The following ZNF83 variants were observed in gnomAD, a reference collection of about 807,000 sequenced individuals.
The protein encoded by ZNF83 is zinc finger protein 816B.
For synonymous variants in ZNF83, 209 were observed against 213.0 expected (o/e 0.98, Z 0.17); for missense variants, 552 against 629.9 (o/e 0.88, Z 1.32).
intron 2 of ZNF83, among the ~76,000 whole-genome samples, chr19:52,616,455 C>G (rs2060307920): frequency 6.6e-6 from 1 of 152,102 alleles, no homozygotes; most frequent in South Asian, 2.1e-4. Context: ...TTTACAATAG[C>G]AAAGACTTAG....
intron 2 of ZNF83, among the ~76,000 whole-genome samples, chr19:52,634,181 A>G (rs984869882): frequency 2.6e-5 from 4 of 151,818 alleles, no homozygotes. Flanking sequence ...CTGAGGTAGG[A>G]GAATCACTTG....
intron 2 of ZNF83, among the ~76,000 whole-genome samples, chr19:52,633,108 G>T (rs2147176063): frequency 6.6e-6 from 1 of 152,266 alleles, no homozygotes; most frequent in South Asian, 2.1e-4. Context: ...TACACATCCA[G>T]ATGGCCTGTT....
exon 3 of ZNF83, chr19:52,613,528 T>C (rs1459591180): frequency 3.1e-6 from 5 of 1,614,146 alleles, no homozygotes; most frequent in Non-Finnish European, 4.2e-6. Context: ...TTCATTACAT[T>C]TGTAAGGTTT....
chr19:52,614,604 C>A (rs1378896529), exon 3 of ZNF83: 3 of 1,528,472 alleles, frequency 2.0e-6, no homozygotes, highest in Non-Finnish European at 2.6e-6. Context: ...AGGTCACACG[C>A]ACTCGCTTAT....
At chr19:52,688,840 C>T (rs985455486) in intron 1 of ZNF83, among the ~76,000 whole-genome samples, 4 of 151,840 alleles carry the variant, frequency 2.6e-5, no homozygotes, top group African/African-American at 9.7e-5. Flanking sequence ...ACAAGTTTTC[C>T]TCTGCCTGTC....
At chr19:52,668,537 TC>T (rs2147302823) in intron 1 of ZNF83, among the ~76,000 whole-genome samples, 1 of 152,228 alleles carries the variant, frequency 6.6e-6, no homozygotes, top group South Asian at 2.1e-4. Flanking sequence ...TGTGCTTTTT[TC>T]TCCCTCCTCC....
chr19:52,687,130 G>A (rs1006607183), intron 1 of ZNF83, among the ~76,000 whole-genome samples: 1 of 148,752 alleles, frequency 6.7e-6, no homozygotes, highest in African/African-American at 2.5e-5. Flanking sequence ...GCACTAAGCT[G>A]AGATTGCAAC....
At chr19:52,672,305 T>C (rs546732668) in intron 1 of ZNF83, among the ~76,000 whole-genome samples, 1 of 152,368 alleles carries the variant, frequency 6.6e-6, no homozygotes, top group South Asian at 2.1e-4. Flanking sequence ...TTTATGACTA[T>C]ATCTGTAAGT....
chr19:52,680,602 AAAT>A (rs150291396), intron 1 of ZNF83, among the ~76,000 whole-genome samples: 17,697 of 134,136 alleles, frequency 0.13, 1,582 homozygotes, highest in East Asian at 0.26. Flanking sequence ...CTTTTCCACA[AAAT>A]ATTTTTTTTT....
intron 3 of ZNF83, chr19:52,652,131 G>A (rs2061449601): frequency 8.7e-6 from 2 of 230,874 alleles, no homozygotes; most frequent in East Asian, 1.5e-4. Flanking sequence ...CTAATGCGGT[G>A]TGAATGTAAA....
chr19:52,666,020 C>T (rs1415115912), intron 1 of ZNF83, among the ~76,000 whole-genome samples: 56 of 151,746 alleles, frequency 3.7e-4, no homozygotes, highest in Admixed American at 3.4e-3. Flanking sequence ...AAAAATTAGC[C>T]GGGCATGGTG....
exon 3 of ZNF83, chr19:52,612,923 T>C: frequency 8.9e-7 from 1 of 1,117,982 alleles, no homozygotes; most frequent in Non-Finnish European, 1.3e-6. Context: ...CTAAAGGCTC[T>C]GCTACATTCA....
At chr19:52,644,809 G>A (rs1169845087) in intron 3 of ZNF83, among the ~76,000 whole-genome samples, 1 of 152,038 alleles carries the variant, frequency 6.6e-6, no homozygotes, top group Non-Finnish European at 1.5e-5. Context: ...AGGAGTTTGA[G>A]ACCAGCCTGG....
At chr19:52,678,093 A>G (rs1338857893) in intron 1 of ZNF83, among the ~76,000 whole-genome samples, 1 of 151,850 alleles carries the variant, frequency 6.6e-6, no homozygotes, top group African/African-American at 2.4e-5. Flanking sequence ...TGTTGCCTAC[A>G]TGTGTGATTG....
chr19:52,676,667 G>A (rs1000100306), intron 1 of ZNF83, among the ~76,000 whole-genome samples: 3 of 140,470 alleles, frequency 2.1e-5, no homozygotes, highest in Non-Finnish European at 4.8e-5. Flanking sequence ...TGACAATGGC[G>A]GCTTTGTGGA....
intron 1 of ZNF83, among the ~76,000 whole-genome samples, chr19:52,682,028 A>G (rs957002644): frequency 1.3e-5 from 2 of 151,934 alleles, no homozygotes; most frequent in African/African-American, 4.8e-5. Flanking sequence ...TTGTATTTTT[A>G]GTAGAGACGA....
In ZNF83 at chr19:52,620,270, C is replaced by CTGTGTGTGTGTGTGTGTGTGTG. The variant is rs377267661; in HGVS notation, c.-233-5495_-233-5474dup. ...TGTGTATATCTGTGTGTGTATATCT[C>CTGTGTGTGTGTGTGTGTGTGTG]TGTGTGTGTGTGTGTGTGTGTGTAT... On this transcript the variant is annotated intron_variant, in intron 2 of 2. Transcript: ENST00000301096. Among the ~76,000 whole-genome samples, 474 of 144,372 alleles carry CTGTGTGTGTGTGTGTGTGTGTG rather than the reference C, an allele frequency of 3.3e-3. 4 individuals are homozygous for CTGTGTGTGTGTGTGTGTGTGTG. The highest frequency in any genetic ancestry group is 0.014 in the Middle Eastern group (4 of 284). The allele number at this position is 144,372 out of a possible 152,430, so 94.7% of individuals were successfully genotyped here. A position where few individuals can be genotyped will look rare whatever the true frequency, so the allele number is the denominator to read the frequency against.
intron 3 of ZNF83, among the ~76,000 whole-genome samples, chr19:52,650,233 C>T (rs925808682): frequency 2.0e-5 from 3 of 148,536 alleles, no homozygotes; most frequent in East Asian, 2.0e-4. Context: ...AAAGGTGGGA[C>T]CAAAACATGA....
At chr19:52,636,051 C>G (rs117778832) in intron 1 of ZNF83, 2 of 150,286 alleles carry the variant, frequency 1.3e-5, no homozygotes, top group East Asian at 3.9e-4. Context: ...AATCTCAGTA[C>G]TCTGGGCGGC....
Sources: gnomAD v4.1 joint callset for allele counts (sites outside exome capture counted in the v4.1 genomes callset) on GRCh38, gnomAD v4.1.1 for gene constraint, MANE v1.5 for transcripts, NCBI Gene and HGNC (gene_info 2026-07-23, HGNC 2026-07-21) for gene names.